AOPEP: variants seen among roughly 807,000 people sequenced by gnomAD.
The protein encoded by AOPEP is aminopeptidase O.
AOPEP carries 77 observed loss-of-function variants against 98.1 expected under a neutral mutation model. The ratio of observed to expected loss-of-function variants is 0.78; its 90% CI spans 0.65 to 0.95. The LOEUF (loss-of-function observed/expected upper bound fraction) is 0.95, where lower values mean the gene tolerates loss of function less well. Among genes scored for constraint, AOPEP ranks in the 40% least tolerant of loss-of-function variants. The pLI is 0.00. For missense variants in AOPEP, 1,024 were observed against 1,024.7 expected, an observed-to-expected ratio of 1.00 and a Z score of 0.01; for synonymous variants, 346 against 365.3, an observed-to-expected ratio of 0.95 and a Z score of 0.60.
intron 11 of AOPEP, among the ~76,000 whole-genome samples, chr9:94,983,565 A>G (rs2060326161): frequency 6.6e-6 from 1 of 152,184 alleles, no homozygotes; most frequent in Non-Finnish European, 1.5e-5. Flanking sequence ...TCTTCTCACC[A>G]GAGACTTTTC....
chr9:95,082,533 C>A, intron 15 of AOPEP, 42 bp from the exon 16 acceptor site: 1 of 1,606,482 alleles, frequency 6.2e-7, no homozygotes, highest in East Asian at 2.2e-5. Context: ...GTGTGGGTAC[C>A]CACACCTTCG....
chr9:94,928,306 A>G lies in AOPEP; in HGVS notation c.1555-119A>G, dbSNP rs995294411. On this transcript the variant is annotated intron_variant, in intron 6 of 16. Transcript: ENST00000375315. ...TGGCCTTTAGGTTTCTGATGGAAGC[A>G]AGGTGAGAGCAGGGGCAGGCTATCT... 14 of 705,946 alleles carry G rather than the reference A, an allele frequency of 2.0e-5. No homozygotes were observed. The Admixed American group carries it at 3.8e-4, about 19-fold the overall frequency. The allele number at this position is 705,946 out of a possible 1,614,324, so 43.7% of individuals were successfully genotyped here.
chr9:95,039,621 A>G (rs922650682), intron 13 of AOPEP, among the ~76,000 whole-genome samples: 4 of 152,186 alleles, frequency 2.6e-5, no homozygotes, highest in African/African-American at 9.7e-5. Context: ...TTCCTATCCT[A>G]TAATTAAATA....
chr9:95,133,329 G>A, the AOPEP span, among the ~76,000 whole-genome samples: 1 of 152,226 alleles, frequency 6.6e-6, no homozygotes, highest in Non-Finnish European at 1.5e-5. Context: ...GTCACATCCT[G>A]CCAATGCCAC....
the AOPEP span, among the ~76,000 whole-genome samples, chr9:95,141,070 G>A: frequency 6.6e-6 from 1 of 152,078 alleles, no homozygotes; most frequent in Non-Finnish European, 1.5e-5. Context: ...AGCACTTTGG[G>A]AGGTCAAGGA....
chr9:95,033,137 A>G (rs1208149741), intron 13 of AOPEP, among the ~76,000 whole-genome samples: 1 of 152,158 alleles, frequency 6.6e-6, no homozygotes, highest in Non-Finnish European at 1.5e-5. Context: ...AATCTCGGAG[A>G]CGGTTCCTTA....
At chr9:95,116,697 T>C in the AOPEP span, among the ~76,000 whole-genome samples, 1 of 152,218 alleles carries the variant, frequency 6.6e-6, no homozygotes, top group Admixed American at 6.5e-5. Context: ...AAATGTCTCC[T>C]AAGCGTGAGC....
At chr9:94,929,781 G>C (rs891932265) in intron 7 of AOPEP, among the ~76,000 whole-genome samples, 1 of 152,270 alleles carries the variant, frequency 6.6e-6, no homozygotes, top group Admixed American at 6.5e-5. Context: ...CACAGGTGGT[G>C]CGCAGCACTG....
the AOPEP span, among the ~76,000 whole-genome samples, chr9:95,149,484 T>G: frequency 6.8e-6 from 1 of 147,470 alleles, no homozygotes; most frequent in Non-Finnish European, 1.5e-5. Flanking sequence ...CCTCAGTAAT[T>G]TTTTTTTTTT....
At chr9:94,931,974 G>C in intron 7 of AOPEP, 1 of 1,146,824 alleles carries the variant, frequency 8.7e-7, no homozygotes, top group Non-Finnish European at 1.1e-6. Flanking sequence ...ACCTCCTCTA[G>C]CTGATAAAGA....
chr9:94,772,326 A>G (rs542296350), intron 2 of AOPEP, among the ~76,000 whole-genome samples: 1 of 152,272 alleles, frequency 6.6e-6, no homozygotes, highest in South Asian at 2.1e-4. Context: ...GTAGGGCTGT[A>G]CTTTCTAATC....
chr9:95,006,097 T>A (rs1380477818), intron 13 of AOPEP: 2 of 471,564 alleles, frequency 4.2e-6, no homozygotes, highest in East Asian at 1.4e-4. Context: ...GTAAAGCAGA[T>A]GAGAAATTTG....
At chr9:95,057,954 A>C (rs991901814) in intron 13 of AOPEP, among the ~76,000 whole-genome samples, 5 of 152,152 alleles carry the variant, frequency 3.3e-5, no homozygotes, top group African/African-American at 4.8e-5. Context: ...TACCTCTCTC[A>C]AATTAGAGTC....
intron 5 of AOPEP, among the ~76,000 whole-genome samples, chr9:94,828,628 C>G (rs1397871671): frequency 6.6e-6 from 1 of 151,998 alleles, no homozygotes; most frequent in South Asian, 2.1e-4. Flanking sequence ...GAATTCAGCT[C>G]TTGAGCAGAG....
At chr9:95,083,758 A>G (rs1261041542) in intron 16 of AOPEP, among the ~76,000 whole-genome samples, 1 of 152,210 alleles carries the variant, frequency 6.6e-6, no homozygotes, top group Non-Finnish European at 1.5e-5. Context: ...CGCGGCGCAC[A>G]CAGCACACGT....
intron 5 of AOPEP, among the ~76,000 whole-genome samples, chr9:94,869,887 A>C (rs1209781964): frequency 6.6e-6 from 1 of 151,824 alleles, no homozygotes; most frequent in East Asian, 1.9e-4. Context: ...GGCATTATCA[A>C]ATTGATTTCT....
the AOPEP span, chr9:95,124,992 C>T: frequency 1.9e-6 from 2 of 1,073,058 alleles, no homozygotes; most frequent in South Asian, 2.6e-5. Context: ...AACAGTCCAT[C>T]AAAATTATTG....
the AOPEP span, among the ~76,000 whole-genome samples, chr9:95,141,212 T>C: frequency 3.4e-5 from 5 of 147,656 alleles, no homozygotes; most frequent in Admixed American, 7.0e-5. Context: ...CTCGGGAGGC[T>C]GAGGTCAAAG....
intron 5 of AOPEP, among the ~76,000 whole-genome samples, chr9:94,922,967 G>A (rs1425517027): frequency 6.6e-6 from 1 of 152,172 alleles, no homozygotes; most frequent in African/African-American, 2.4e-5. Context: ...GGCTTGTGCC[G>A]AGCCGACATG....
Sources: allele counts gnomAD v4.1 joint callset (sites outside exome capture counted in the v4.1 genomes callset), GRCh38; gene constraint gnomAD v4.1.1; transcripts MANE v1.5; gene names NCBI Gene and HGNC (gene_info 2026-07-23, HGNC 2026-07-21).